Variants in TBC1D9 observed in about 807,000 individuals in gnomAD.
The protein encoded by TBC1D9 is TBC1 domain family member 9A.
In TBC1D9, 63 loss-of-function variants were observed where a neutral mutation model predicts 132.0. That is an observed-to-expected ratio of 0.48 (90% CI 0.39 to 0.59). The LOEUF (loss-of-function observed/expected upper bound fraction) is 0.59, where lower values mean the gene tolerates loss of function less well. TBC1D9 is among the 20% of genes least tolerant of loss of function. The probability of loss-of-function intolerance (pLI) is 0.00; values close to 1 mark genes in which losing one functional copy is unlikely to be tolerated. For missense variants in TBC1D9, 1,261 were observed against 1,592.7 expected, an observed-to-expected ratio of 0.79 and a Z score of 3.54; for synonymous variants, 610 against 609.9, an observed-to-expected ratio of 1.00 and a Z score of 0.00.
At position 140,657,730 on chromosome 4, in the gene TBC1D9, G is replaced by A. The variant is rs374261022; in HGVS notation, c.2004C>T (p.Gly668=). 16 of 1,613,974 alleles carry A rather than the reference G, an allele frequency of 9.9e-6. No homozygotes were observed. Among genetic ancestry groups the A allele is most frequent in the Admixed American group, 3.3e-5 (2 of 60,022 alleles). The stretch of plus-strand genomic sequence containing the variant: ...AAGACAGGGAGATGGTGGAAATCAC[G>A]CCCAGGTCTTGCATGCAGTCGTACA... The part of the protein sequence containing the change: ...PQLYDCMQDL[G]VISTISLSWF... Residue 668 remains glycine (G), a synonymous_variant, in exon 12 of 21, where the codon GGC becomes GGT. Coordinates refer to ENST00000442267, the MANE Select transcript of TBC1D9 (RefSeq NM_015130.3).
chr4:140,705,945 T>C (rs1036739939), intron 1 of TBC1D9, among the ~76,000 whole-genome samples: 2 of 152,220 alleles, frequency 1.3e-5, no homozygotes, highest in African/African-American at 2.4e-5. Flanking sequence ...CATCTTATAA[T>C]GTAAAAGTGC....
chr4:140,743,548 C>G (rs971960924), intron 1 of TBC1D9, among the ~76,000 whole-genome samples: 1 of 152,170 alleles, frequency 6.6e-6, no homozygotes, highest in African/African-American at 2.4e-5. Context: ...GTGAGGGAGG[C>G]AGAGAACACA....
chr4:140,688,658 GAC>G (rs760847336), intron 2 of TBC1D9, among the ~76,000 whole-genome samples: 41 of 152,132 alleles, frequency 2.7e-4, no homozygotes, highest in Non-Finnish European at 5.6e-4. Context: ...AACAGAGTGA[GAC>G]CCTGTGGAGA....
At chr4:140,718,099 G>T (rs1218885237) in intron 1 of TBC1D9, among the ~76,000 whole-genome samples, 1 of 152,008 alleles carries the variant, frequency 6.6e-6, no homozygotes, top group Non-Finnish European at 1.5e-5. Context: ...GCATACTGAT[G>T]GGATTCAATT....
intron 1 of TBC1D9, among the ~76,000 whole-genome samples, chr4:140,729,683 G>C (rs1738556543): frequency 6.6e-6 from 1 of 151,984 alleles, no homozygotes; most frequent in South Asian, 2.1e-4. Flanking sequence ...GGCTGGGCCT[G>C]GTGGCATGCG....
chr4:140,640,423 T>C (rs566016718), intron 13 of TBC1D9, among the ~76,000 whole-genome samples: 76 of 101,050 alleles, frequency 7.5e-4, no homozygotes, highest in Non-Finnish European at 1.1e-3. Context: ...ATGACAAATA[T>C]GACCTTATCT....
chr4:140,697,942 G>C (rs1195174075), intron 2 of TBC1D9, among the ~76,000 whole-genome samples: 2 of 152,198 alleles, frequency 1.3e-5, no homozygotes, highest in African/African-American at 2.4e-5. Flanking sequence ...TGCCTGCAAA[G>C]GATCTCGCAG....
intron 2 of TBC1D9, among the ~76,000 whole-genome samples, chr4:140,692,741 C>T (rs527951141): frequency 4.7e-4 from 72 of 152,088 alleles, no homozygotes; most frequent in Non-Finnish European, 5.4e-4. Flanking sequence ...TCAAACAGAC[C>T]GGGCACGGTG....
chr4:140,651,692 ACAG>A (rs1737189723), intron 13 of TBC1D9, among the ~76,000 whole-genome samples: 1 of 152,218 alleles, frequency 6.6e-6, no homozygotes, highest in South Asian at 2.1e-4. Context: ...ACATTCTTTT[ACAG>A]GTGAAATAAT....
chr4:140,643,117 C>T (rs1160462097), intron 13 of TBC1D9: 44 of 1,402,716 alleles, frequency 3.1e-5, no homozygotes, highest in Non-Finnish European at 3.8e-5. Flanking sequence ...GGTTCTTGAG[C>T]GGGTCCCACC....
At chr4:140,624,477 C>T (rs1376199695) in intron 18 of TBC1D9, 89 bp from the exon 19 acceptor site, 1 of 1,153,396 alleles carries the variant, frequency 8.7e-7, no homozygotes. Context: ...AGAAGACTCT[C>T]TAAGTAGGGT....
chr4:140,670,253 A>G (rs967450071), intron 7 of TBC1D9, among the ~76,000 whole-genome samples: 1 of 152,178 alleles, frequency 6.6e-6, no homozygotes, highest in East Asian at 1.9e-4. Context: ...TTTATCTGCC[A>G]TAACTTCCTC....
chr4:140,737,171 CA>C (rs1382354921), intron 1 of TBC1D9, among the ~76,000 whole-genome samples: 1 of 152,104 alleles, frequency 6.6e-6, no homozygotes, highest in Admixed American at 6.5e-5. Flanking sequence ...TGACAGGAGG[CA>C]GAGCTCAGGA....
intron 1 of TBC1D9, among the ~76,000 whole-genome samples, chr4:140,749,731 CAT>C (rs369804997): frequency 3.2e-4 from 49 of 152,086 alleles, no homozygotes; most frequent in Non-Finnish European, 5.6e-4. Context: ...TTATAAAAGA[CAT>C]ATCTAAAACA....
rs755296381 is a variant in TBC1D9, at chr4:140,622,563, C to T, written c.3433G>A (p.Ala1145Thr). The T allele has an allele frequency of 3.7e-6, 6 of 1,614,026 alleles. No individual in the cohort carries two copies. Among genetic ancestry groups the T allele is most frequent in the East Asian group, 2.2e-5 (1 of 44,890 alleles). The change falls in exon 21 of 21, where the codon GCC becomes ACC. Residue 1145 changes from alanine to threonine, a missense_variant. Ala to Thr is a moderately conservative substitution (Grantham distance 58). Coordinates refer to ENST00000442267, the MANE Select transcript of TBC1D9 (RefSeq NM_015130.3). ...TCAGAGATCAGCATGGAGGAGCAGG[C>T]CCCGTTGTCCCGGGGCGAGGAGTCC... ...LEDSSPRDNG[A>T]CSSMLISDDD...
chr4:140,643,164 C>A, intron 13 of TBC1D9: 2 of 1,441,490 alleles, frequency 1.4e-6, no homozygotes, highest in Non-Finnish European at 1.9e-6. Flanking sequence ...CATGTGGCTG[C>A]CGGCTGCCAG....
rs1034814910 is a variant in TBC1D9, at chr4:140,622,945, G to A, written c.3079-28C>T. ...GAAAAGCGATTTGGAAAAACACAATGTGAAATCTTGGGGGAGCAGAAAGGC... is the reference window on the plus strand; with the variant it reads ...GAAAAGCGATTTGGAAAAACACAATATGAAATCTTGGGGGAGCAGAAAGGC... On this transcript the variant is annotated intron_variant, in intron 20 of 20. Transcript: ENST00000442267. 4 of 1,484,262 alleles carry A rather than the reference G, an allele frequency of 2.7e-6. No individual in the cohort carries two copies. The East Asian group carries it at 9.6e-5, about 36-fold the overall frequency. The allele number at this position is 1,484,262 out of a possible 1,614,324, so 91.9% of individuals were successfully genotyped here.
At chr4:140,643,511 C>T in intron 13 of TBC1D9, 2 of 883,158 alleles carry the variant, frequency 2.3e-6, no homozygotes. Context: ...GCTCCAGTCT[C>T]GGGCACTCTC....
chr4:140,670,436 T>A (rs969418027), intron 7 of TBC1D9, among the ~76,000 whole-genome samples: 2 of 152,222 alleles, frequency 1.3e-5, no homozygotes, highest in African/African-American at 4.8e-5. Context: ...TTCTCAACAA[T>A]GTCACTATAT....
Sources: allele counts gnomAD v4.1 joint callset (sites outside exome capture counted in the v4.1 genomes callset), GRCh38; gene constraint gnomAD v4.1.1; transcripts MANE v1.5; gene names NCBI Gene and HGNC (gene_info 2026-07-23, HGNC 2026-07-21).